INPP5E: variants seen among roughly 807,000 people sequenced by gnomAD.
INPP5E encodes inositol polyphosphate-5-phosphatase E, also known as phosphatidylinositol polyphosphate 5-phosphatase type IV.
A neutral mutation model predicts 50.5 loss-of-function variants in INPP5E; 34 were observed. That is an observed-to-expected ratio of 0.67 (90% CI 0.51 to 0.90). The LOEUF is 0.90. Among genes scored for constraint, INPP5E ranks in the 40% least tolerant of loss-of-function variants. The probability of loss-of-function intolerance (pLI) is 0.00; values close to 1 mark genes in which losing one functional copy is unlikely to be tolerated. For synonymous variants in INPP5E, 447 were observed against 406.0 expected (o/e 1.10, Z -1.21); for missense variants, 942 against 905.5 (o/e 1.04, Z -0.52).
rs1031137859 is a variant in INPP5E, at chr9:136,436,031, T to C, written c.813-1168A>G. The C allele has an allele frequency of 2.0e-5, 3 of 152,234 alleles. No individual in the cohort carries two copies. In the South Asian group the frequency reaches 6.2e-4, roughly 31 times the overall value. The allele number at this position is 152,234 out of a possible 1,614,324, so 9.4% of individuals were successfully genotyped here. On this transcript the variant is annotated intron_variant, in intron 1 of 9. Transcript: ENST00000371712. ...GGCTCCTTCTGGATACGCCGTCTTC[T>C]GACATGGTTCCCTTCCGCAAGGGGA...
chr9:136,430,500 C>A (rs988128332), intron 8 of INPP5E, 87 bp from the exon 9 acceptor site: 1 of 1,490,308 alleles, frequency 6.7e-7, no homozygotes, highest in Admixed American at 2.0e-5. Context: ...TGTTCTCAAG[C>A]GCCCCCCACA....
rs528585797 is a variant in INPP5E at position 136,433,049 on chromosome 9, G to A, written c.1186C>T (p.Arg396Cys). The stretch of plus-strand genomic sequence containing the variant: ...TTGGTCTTGATCTGAGACACGATGC[G>A]TGTGGTCACCGTGGAGCACTCCACC... Reference protein sequence around the residue: ...SEVECSTVTTRIVSQIKTKGA... With the variant: ...SEVECSTVTTCIVSQIKTKGA... The change falls in exon 5 of 10, where the codon CGC (arginine) becomes TGC (cysteine). Residue 396 changes from arginine (R) to cysteine (C), a missense_variant. Physicochemically the swap from Arg to Cys is radical, Grantham distance 180. Coordinates refer to ENST00000371712, the MANE Select transcript of INPP5E (RefSeq NM_019892.6). 1.2e-5 allele frequency: 19 copies of A among 1,613,402 alleles called. No homozygotes were observed. The highest frequency in any genetic ancestry group is 7.7e-5 in the South Asian group (7 of 91,082).
At chr9:136,432,275 T>C (rs1242794254) in intron 6 of INPP5E, among the ~76,000 whole-genome samples, 2 of 152,122 alleles carry the variant, frequency 1.3e-5, no homozygotes, top group African/African-American at 2.4e-5. Flanking sequence ...CCCAGGCTAG[T>C]GGGCCACGCC....
Position 136,439,357 on chromosome 9 carries a change from C to G in INPP5E, c.63G>C (p.Arg21Ser). The G allele has an allele frequency of 6.9e-7, 1 of 1,444,478 alleles. No individual in the cohort carries two copies. Among genetic ancestry groups the G allele is most frequent in the Non-Finnish European group, 9.0e-7 (1 of 1,106,568 alleles). 89.5% of individuals were successfully genotyped at this position (1,444,478 alleles called of 1,614,324 possible). Residue 21 changes from arginine (R) to serine (S), a missense_variant, in exon 1 of 10, where the codon AGG (arginine) becomes AGC (serine). By Grantham distance (110) the Arg-to-Ser change is moderately radical. Transcript: ENST00000371712. Reference protein sequence around the residue: ...SEPAPQPPEGRTLQGQLPGAP... With the variant: ...SEPAPQPPEGSTLQGQLPGAP... Reference sequence around the variant, plus strand: ...CGCCGGGAAGCTGTCCTTGGAGCGTCCTCCCTTCCGGCGGCTGCGGGGCCG... The same window carrying G: ...CGCCGGGAAGCTGTCCTTGGAGCGTGCTCCCTTCCGGCGGCTGCGGGGCCG...
At position 136,439,057 on chromosome 9, in the gene INPP5E, G is replaced by A. The variant is rs762231724; in HGVS notation, c.363C>T (p.Pro121=). The A allele has an allele frequency of 7.0e-6, 11 of 1,568,190 alleles. No individual in the cohort carries two copies. Among genetic ancestry groups the A allele is most frequent in the Middle Eastern group, 1.8e-4 (1 of 5,464 alleles). Residue 121 remains proline, a synonymous_variant, in exon 1 of 10, where the codon CCC becomes CCT. Transcript: ENST00000371712. ...PSRGSVQSEG[P]GAPAHSCSPP... ...GGGAGCAGCTGTGGGCGGGGGCCCC[G>A]GGGCCCTCGCTCTGCACTGAGCCCC...
Position 136,429,781 on chromosome 9 carries a change from T to C in INPP5E, c.1829A>G (p.Asp610Gly). 6.2e-7 allele frequency: 1 copy of C among 1,612,716 alleles called. No individual in the cohort carries two copies. The highest frequency in any genetic ancestry group is 8.5e-7 in the Non-Finnish European group (1 of 1,179,846). Residue 610 changes from aspartate (D) to glycine (G), a missense_variant, in exon 10 of 10, where the codon GAT becomes GGT. Physicochemically the swap from Asp to Gly is moderately conservative, Grantham distance 94 (BLOSUM62 -1). Transcript: ENST00000371712. ...AATTCCTAGTAAGTACAGTTCTCTA[T>C]CAAATTTGCCAGCTGCCAACGGAAT... ...DNIPLAAGKFDRELYLLGIKR... is the reference protein window; with the variant it reads ...DNIPLAAGKFGRELYLLGIKR...
chr9:136,433,022 C>G lies in INPP5E; in HGVS notation c.1213G>C (p.Gly405Arg), dbSNP rs767126396. 6.2e-7 allele frequency: 1 copy of G among 1,613,658 alleles called. No homozygotes were observed. The highest frequency in any genetic ancestry group is 1.7e-5 in the Admixed American group (1 of 60,002). The part of the protein sequence containing the change: ...TRIVSQIKTK[G>R]ALGISFTFFG... ...AAGGTGAAGCTGATGCCCAAGGCCC[C>G]CTTGGTCTTGATCTGAGACACGATG... is the stretch of plus-strand genomic sequence containing the variant. Residue 405 changes from glycine to arginine, a missense_variant, in exon 5 of 10, where the codon GGG (glycine) becomes CGG (arginine). Coordinates refer to ENST00000371712, the MANE Select transcript of INPP5E (RefSeq NM_019892.6).
chr9:136,438,767 T>G lies in INPP5E; in HGVS notation c.653A>C (p.Asp218Ala), dbSNP rs753519048. 25 of 1,611,690 alleles carry G rather than the reference T, an allele frequency of 1.6e-5. 1 individual carries two copies. In the South Asian group the frequency reaches 2.6e-4, roughly 17 times the overall value. ...GAGCGGCTGCGCGCGGAGCTTGTAG[T>G]CTGCAAGATCCGAGTCGACCTTGTT... The part of the protein sequence containing the change: ...TANKVDSDLA[D>A]YKLRAQPLLV... Residue 218 changes from aspartate to alanine, a missense_variant, in exon 1 of 10, where the codon GAC becomes GCC. Transcript: ENST00000371712.
At chr9:136,429,879 CCGGAG>C (rs1238324066) in intron 9 of INPP5E, 72 bp from the exon 10 acceptor site, 10 of 1,149,134 alleles carry the variant, frequency 8.7e-6, no homozygotes, top group Non-Finnish European at 2.6e-6. Flanking sequence ...GGGGCCGGCC[CCGGAG>C]GAGGGGGCAT....
Position 136,439,816 on chromosome 9 carries a change from G to C in INPP5E, c.-397C>G, listed in dbSNP as rs1835970046. 1 of 154,696 alleles carries C rather than the reference G, an allele frequency of 6.5e-6. No homozygotes were observed. The highest frequency in any genetic ancestry group is 2.4e-5 in the African/African-American group (1 of 41,464). 9.6% of individuals were successfully genotyped at this position (154,696 alleles called of 1,614,324 possible). On this transcript the variant is annotated 5_prime_UTR_variant, in exon 1 of 10. Transcript: ENST00000371712. ...GCCCGGCCGCCCAGAAGCGGAGTCAGCCCGGCCGGGACCCAGCAACCGCCG... is the reference window on the plus strand; with the variant it reads ...GCCCGGCCGCCCAGAAGCGGAGTCACCCCGGCCGGGACCCAGCAACCGCCG...
chr9:136,433,044 G>A lies in INPP5E; in HGVS notation c.1191C>T (p.Ile397=), dbSNP rs558778286. The A allele has an allele frequency of 1.4e-4, 229 of 1,613,526 alleles. No homozygotes were observed. The highest frequency in any genetic ancestry group is 1.7e-4 in the Non-Finnish European group (202 of 1,179,970). The change falls in exon 5 of 10, where the codon ATC becomes ATT. Residue 397 remains isoleucine (I), a synonymous_variant. Coordinates refer to ENST00000371712, the MANE Select transcript of INPP5E (RefSeq NM_019892.6). The stretch of plus-strand genomic sequence containing the variant: ...CCCCCTTGGTCTTGATCTGAGACAC[G>A]ATGCGTGTGGTCACCGTGGAGCACT... ...EVECSTVTTR[I]VSQIKTKGAL...
At chr9:136,431,160 G>C in intron 7 of INPP5E, 43 bp from the exon 8 acceptor site, 1 of 1,294,312 alleles carries the variant, frequency 7.7e-7, no homozygotes, top group Non-Finnish European at 1.1e-6. Context: ...ACCAGCTTGT[G>C]CCAGCCGCCG....
At position 136,431,807 on chromosome 9, in the gene INPP5E, C is replaced by T. The variant is rs776348228; in HGVS notation, c.1549+17G>A. The T allele has an allele frequency of 1.3e-5, 19 of 1,483,396 alleles. No individual in the cohort carries two copies. Among genetic ancestry groups the T allele is most frequent in the Non-Finnish European group, 1.5e-5 (17 of 1,102,174 alleles). The allele number at this position is 1,483,396 out of a possible 1,614,324, so 91.9% of individuals were successfully genotyped here. A position where few individuals can be genotyped will look rare whatever the true frequency, so the allele number is the denominator to read the frequency against. On this transcript the variant is annotated intron_variant, in intron 7 of 9. Coordinates refer to ENST00000371712, the MANE Select transcript of INPP5E (RefSeq NM_019892.6). ...CTCTCCTCATCTCCCTCCATGCCCGCCCCCCCAGGCCCTCACCTTTCCGCA... is the reference window on the plus strand; with the variant it reads ...CTCTCCTCATCTCCCTCCATGCCCGTCCCCCCAGGCCCTCACCTTTCCGCA...
Position 136,429,875 on chromosome 9 carries a change from G to A in INPP5E, c.1803-68C>T, listed in dbSNP as rs77350282. Reference sequence around the variant, plus strand: ...GAGGAGGGGGCGTTAGGAGGGGGCCGGCCCCGGAGGAGGGGGCATTTAAGA... The same window carrying A: ...GAGGAGGGGGCGTTAGGAGGGGGCCAGCCCCGGAGGAGGGGGCATTTAAGA... On this transcript the variant is annotated intron_variant, in intron 9 of 9. Transcript: ENST00000371712. The A allele has an allele frequency of 5.6e-3, 6,719 of 1,206,692 alleles. 272 individuals are homozygous for A. In the African/African-American group the frequency reaches 0.083, roughly 15 times the overall value. 74.7% of individuals were successfully genotyped at this position (1,206,692 alleles called of 1,614,324 possible). A position where few individuals can be genotyped will look rare whatever the true frequency, so the allele number is the denominator to read the frequency against.
In INPP5E at chr9:136,432,998, A is replaced by G; in HGVS notation, c.1237T>C (p.Phe413Leu). The G allele has an allele frequency of 6.2e-7, 1 of 1,613,738 alleles. No homozygotes were observed. The highest frequency in any genetic ancestry group is 8.5e-7 in the Non-Finnish European group (1 of 1,179,954). The change falls in exon 5 of 10, where the codon TTT becomes CTT. Residue 413 changes from phenylalanine to leucine, a missense_variant. By Grantham distance (22) the Phe-to-Leu change is conservative. Coordinates refer to ENST00000371712, the MANE Select transcript of INPP5E (RefSeq NM_019892.6). Reference sequence around the variant, plus strand: ...ATGAAGAGGAAGGAAGTGCCAAAAAAGGTGAAGCTGATGCCCAAGGCCCCC... The same window carrying G: ...ATGAAGAGGAAGGAAGTGCCAAAAAGGGTGAAGCTGATGCCCAAGGCCCCC... ...TKGALGISFT[F>L]FGTSFLFITS...
chr9:136,437,396 A>G (rs1007854205), intron 1 of INPP5E: 2 of 152,256 alleles, frequency 1.3e-5, no homozygotes, highest in Non-Finnish European at 2.9e-5. Flanking sequence ...AGTAAATTCA[A>G]TGACTGGTGT....
intron 5 of INPP5E, 69 bp downstream of exon 5, chr9:136,432,887 A>G: frequency 6.3e-7 from 1 of 1,575,362 alleles, no homozygotes; most frequent in Non-Finnish European, 8.6e-7. Flanking sequence ...CCTGCCTTGG[A>G]CAGGGTCCCG....
rs1287836359 is a variant in INPP5E, at chr9:136,438,809, T to C, written c.611A>G (p.Asp204Gly). 1 of 1,611,170 alleles carries C rather than the reference T, an allele frequency of 6.2e-7. No homozygotes were observed. Among genetic ancestry groups the C allele is most frequent in the South Asian group, 1.1e-5 (1 of 90,982 alleles). The change falls in exon 1 of 10, where the codon GAC becomes GGC. Residue 204 changes from aspartate to glycine, a missense_variant. Coordinates refer to ENST00000371712, the MANE Select transcript of INPP5E (RefSeq NM_019892.6). ...PPALSLDIASDSLRTANKVDS... is the reference protein window; with the variant it reads ...PPALSLDIASGSLRTANKVDS... Reference sequence around the variant, plus strand: ...GACCTTGTTTGCTGTCCTCAGGGAGTCGGAGGCGATGTCCAGGCTCAGGGC... The same window carrying C: ...GACCTTGTTTGCTGTCCTCAGGGAGCCGGAGGCGATGTCCAGGCTCAGGGC...
intron 3 of INPP5E, 68 bp downstream of exon 3, chr9:136,433,969 C>G (rs1473431768): frequency 3.9e-6 from 5 of 1,282,740 alleles, no homozygotes. Flanking sequence ...GACCACAGGT[C>G]TCAGCACCCA....
Sources: gnomAD v4.1 joint callset for allele counts (sites outside exome capture counted in the v4.1 genomes callset) on GRCh38, gnomAD v4.1.1 for gene constraint, MANE v1.5 for transcripts, NCBI Gene and HGNC (gene_info 2026-07-23, HGNC 2026-07-21) for gene names.